The following CSMD1 variants were observed in gnomAD, a reference collection of about 807,000 sequenced individuals.
CSMD1 encodes the protein CUB and sushi domain-containing protein 1.
CSMD1 carries 213 observed loss-of-function variants against 417.5 expected under a neutral mutation model. The ratio of observed to expected loss-of-function variants is 0.51; its 90% confidence interval spans 0.46 to 0.57. The LOEUF (loss-of-function observed/expected upper bound fraction) is 0.57. CSMD1 is among the 20% of genes least tolerant of loss of function. The pLI is 0.00. For synonymous variants in CSMD1, 2,862 were observed against 1,736.8 expected (o/e 1.65, Z -16.11); for missense variants, 6,923 against 4,529.7 (o/e 1.53, Z -15.17).
At chr8:4,628,424 A>G (rs1423858767) in intron 2 of CSMD1, among the ~76,000 whole-genome samples, 6 of 75,538 alleles carry the variant, frequency 7.9e-5, no homozygotes, top group African/African-American at 4.1e-5. Flanking sequence ...ATATACATAT[A>G]TATACACATA....
chr8:3,302,682 G>A (rs2117350611), intron 25 of CSMD1, among the ~76,000 whole-genome samples: 2 of 152,300 alleles, frequency 1.3e-5, no homozygotes, highest in Middle Eastern at 6.8e-3. Context: ...GATGTTGAAA[G>A]AGGAGATGTG....
At chr8:4,504,579 A>G (rs921774206) in intron 2 of CSMD1, among the ~76,000 whole-genome samples, 1 of 152,114 alleles carries the variant, frequency 6.6e-6, no homozygotes, top group East Asian at 1.9e-4. Context: ...CCCATCATCT[A>G]GGTTTTAAGC....
At chr8:3,903,875 T>C (rs1488460868) in intron 5 of CSMD1, among the ~76,000 whole-genome samples, 4 of 150,912 alleles carry the variant, frequency 2.7e-5, no homozygotes, top group African/African-American at 5.0e-5. Context: ...TTGCCATATA[T>C]ATATATTTTT....
chr8:3,026,467 T>G (rs1809935581), intron 51 of CSMD1, among the ~76,000 whole-genome samples: 1 of 150,904 alleles, frequency 6.6e-6, no homozygotes, highest in Non-Finnish European at 1.5e-5. Flanking sequence ...TCAGTGGACT[T>G]CACTGGACCT....
chr8:4,521,592 A>G (rs548268708), intron 2 of CSMD1, among the ~76,000 whole-genome samples: 1 of 152,342 alleles, frequency 6.6e-6, no homozygotes, highest in South Asian at 2.1e-4. Context: ...TGATGGATAC[A>G]AAAATAAAGA....
At chr8:3,849,916 G>C (rs780308014) in intron 5 of CSMD1, among the ~76,000 whole-genome samples, 1 of 152,106 alleles carries the variant, frequency 6.6e-6, no homozygotes, top group Non-Finnish European at 1.5e-5. Flanking sequence ...CCCAGTTCAA[G>C]CAATTCTCCA....
chr8:3,650,957 A>G (rs1467052399), intron 7 of CSMD1, among the ~76,000 whole-genome samples: 1 of 152,066 alleles, frequency 6.6e-6, no homozygotes, highest in East Asian at 1.9e-4. Context: ...CGCCCACTAT[A>G]TTTCCCTATA....
rs142734659 is a variant in CSMD1 at position 3,701,853 on chromosome 8, C to A, written c.1009+6561G>T. Among the ~76,000 whole-genome samples the A allele has an allele frequency of 8.2e-4, 125 of 152,186 alleles. 1 individual carries two copies. In the East Asian group the frequency reaches 0.014, roughly 17 times the overall value. On this transcript the variant is annotated intron_variant, in intron 7 of 69. Coordinates refer to ENST00000635120, the MANE Select transcript of CSMD1 (RefSeq NM_033225.6). ...AATTATGCCTGAGCCACAACAAAAG[C>A]CAGAGGGAGATGGAACCACTGTGTG... is the stretch of plus-strand genomic sequence containing the variant.
chr8:3,222,057 C>G (rs1424030308), intron 28 of CSMD1, among the ~76,000 whole-genome samples: 2 of 152,094 alleles, frequency 1.3e-5, no homozygotes, highest in Admixed American at 6.6e-5. Flanking sequence ...TAGATGTCTG[C>G]TTGAGCACAT....
intron 5 of CSMD1, among the ~76,000 whole-genome samples, chr8:3,796,988 T>C (rs1800189154): frequency 6.6e-6 from 1 of 151,816 alleles, no homozygotes; most frequent in African/African-American, 2.4e-5. Context: ...GCTAAAAAGT[T>C]AATGTAATAT....
At chr8:3,414,706 C>G (rs752268124) in intron 12 of CSMD1, among the ~76,000 whole-genome samples, 4 of 152,156 alleles carry the variant, frequency 2.6e-5, no homozygotes, top group Non-Finnish European at 5.9e-5. Context: ...TAGGACATAT[C>G]TCGTTAGTTC....
rs367594693 is a variant in CSMD1, at chr8:4,670,240, T to G, written c.86-32682A>C. ...TCTCATGTTCTTTGTGTGGATAATG[T>G]AGAAGAGGCATGGCCTTTAGTCTCC... On this transcript the variant is annotated intron_variant, in intron 1 of 69. Coordinates refer to ENST00000635120, the MANE Select transcript of CSMD1 (RefSeq NM_033225.6). Among the ~76,000 whole-genome samples, 8 of 152,346 alleles carry G rather than the reference T, an allele frequency of 5.3e-5. No individual in the cohort carries two copies. The East Asian group carries it at 1.5e-3, about 29-fold the overall frequency.
At chr8:3,497,723 T>C (rs1020555144) in intron 10 of CSMD1, among the ~76,000 whole-genome samples, 7 of 152,244 alleles carry the variant, frequency 4.6e-5, no homozygotes, top group African/African-American at 1.7e-4. Context: ...AGTATGCACT[T>C]AGATATTGCT....
chr8:3,470,692 A>C (rs924728504), intron 11 of CSMD1, among the ~76,000 whole-genome samples: 2 of 151,802 alleles, frequency 1.3e-5, no homozygotes, highest in Admixed American at 1.3e-4. Context: ...CACCCCCTTC[A>C]CTGTCCCTAA....
At chr8:4,673,497 G>A (rs912947738) in intron 1 of CSMD1, among the ~76,000 whole-genome samples, 2 of 152,078 alleles carry the variant, frequency 1.3e-5, no homozygotes, top group African/African-American at 4.8e-5. Flanking sequence ...TGATTGCTAT[G>A]TGTTTTGTTG....
At chr8:3,673,488 A>G (rs1454296021) in intron 7 of CSMD1, among the ~76,000 whole-genome samples, 1 of 152,144 alleles carries the variant, frequency 6.6e-6, no homozygotes, top group African/African-American at 2.4e-5. Context: ...TTAACAACCT[A>G]CTCAACTGTG....
chr8:2,993,623 G>C (rs1035228855), intron 54 of CSMD1, among the ~76,000 whole-genome samples: 1 of 152,136 alleles, frequency 6.6e-6, no homozygotes, highest in Non-Finnish European at 1.5e-5. Flanking sequence ...TTAAAATGAA[G>C]GAAGCACTCA....
intron 3 of CSMD1, among the ~76,000 whole-genome samples, chr8:4,327,665 G>A (rs1489200984): frequency 6.6e-6 from 1 of 152,140 alleles, no homozygotes; most frequent in African/African-American, 2.4e-5. Flanking sequence ...GCTCCACGAT[G>A]CATGTTTCTA....
chr8:4,822,802 T>G (rs965650467), intron 1 of CSMD1, among the ~76,000 whole-genome samples: 2 of 152,118 alleles, frequency 1.3e-5, no homozygotes, highest in Non-Finnish European at 2.9e-5. Context: ...TAGAAAATAT[T>G]TCTTGGTTTG....
Sources: gnomAD v4.1 joint callset for allele counts (sites outside exome capture counted in the v4.1 genomes callset) on GRCh38, gnomAD v4.1.1 for gene constraint, MANE v1.5 for transcripts, NCBI Gene and HGNC (gene_info 2026-07-23, HGNC 2026-07-21) for gene names.